The following DIS3L2 variants were observed in gnomAD, a reference collection of about 807,000 sequenced individuals.
DIS3L2 encodes DIS3 like 3'-5' exoribonuclease 2, also known as DIS3-like exonuclease 2.
Under a neutral mutation model 97.5 loss-of-function variants are expected in DIS3L2, and 34 were observed. The observed-to-expected ratio is 0.35, with a 90% CI of 0.27 to 0.46. DIS3L2 has a LOEUF of 0.46. Ranked by LOEUF, DIS3L2 falls within the 20% of genes least tolerant of loss-of-function variation. The pLI is 1.00. For missense variants in DIS3L2, 1,038 were observed against 1,146.0 expected (o/e 0.91, Z 1.36); for synonymous variants, 435 against 445.2 (o/e 0.98, Z 0.29).
At chr2:232,247,616 C>CGGGGGGGGGGGGGGGG (rs1491505436) in intron 11 of DIS3L2, among the ~76,000 whole-genome samples, 1 of 6,520 alleles carries the variant, frequency 1.5e-4, no homozygotes, top group African/African-American at 3.1e-4. Flanking sequence ...ATAACTGCCG[C>CGGGGGGGGGGGGGGGG]GGGGGGGGGG....
chr2:232,329,785 T>TCCCGGGGGGGGCCCC, intron 14 of DIS3L2, 28 bp from the exon 15 acceptor site: 153 of 967,060 alleles, frequency 1.6e-4, no homozygotes, highest in East Asian at 1.9e-4. Context: ...ACCCCAGCGG[T>TCCCGGGGGGGGCCCC]CCCTCCCATC....
intron 1 of DIS3L2, among the ~76,000 whole-genome samples, chr2:231,977,672 C>T (rs1035210584): frequency 3.3e-5 from 5 of 152,170 alleles, no homozygotes; most frequent in African/African-American, 7.2e-5. Context: ...AACTACCCAC[C>T]ACATGTAGAA....
chr2:232,324,446 A>G (rs1279276063), intron 14 of DIS3L2, among the ~76,000 whole-genome samples: 1 of 151,986 alleles, frequency 6.6e-6, no homozygotes, highest in Non-Finnish European at 1.5e-5. Context: ...TCTGTCCCAC[A>G]TTTGCCTTTG....
At chr2:232,079,365 G>C (rs1043533464) in intron 5 of DIS3L2, among the ~76,000 whole-genome samples, 2 of 152,066 alleles carry the variant, frequency 1.3e-5, no homozygotes, top group African/African-American at 2.4e-5. Context: ...GGGAGGCTGA[G>C]GCGGGCAGAT....
rs375649949 is a variant in DIS3L2 at position 232,136,546 on chromosome 2, C to G, written c.777C>G (p.Ser259Arg). Residue 259 changes from serine (S) to arginine (R), a missense_variant, in exon 8 of 21, where the codon AGC becomes AGG. By Grantham distance (110) the Ser-to-Arg change is moderately radical. Transcript: ENST00000325385. ...GFLKLLADKN[S>R]ELFRKYALFS... ...TCAAACTCTTGGCTGATAAGAACAGCGAACTGTTTAGGAAATACGCCCTGT... is the reference window on the plus strand; with the variant it reads ...TCAAACTCTTGGCTGATAAGAACAGGGAACTGTTTAGGAAATACGCCCTGT... 4 of 1,613,916 alleles carry G rather than the reference C, an allele frequency of 2.5e-6. No homozygotes were observed. The highest frequency in any genetic ancestry group is 3.4e-6 in the Non-Finnish European group (4 of 1,179,956).
At chr2:232,012,498 T>C (rs1424813218) in intron 1 of DIS3L2, among the ~76,000 whole-genome samples, 3 of 147,934 alleles carry the variant, frequency 2.0e-5, no homozygotes, top group African/African-American at 7.3e-5. Flanking sequence ...ATTCCAGCGC[T>C]TGTTTTTGGG....
At chr2:232,024,742 G>A (rs560344447) in intron 4 of DIS3L2, among the ~76,000 whole-genome samples, 108 of 151,910 alleles carry the variant, frequency 7.1e-4, no homozygotes, top group African/African-American at 2.4e-3. Context: ...CAAAAATAAC[G>A]TGTAATGCTT....
intron 6 of DIS3L2, among the ~76,000 whole-genome samples, chr2:232,094,200 T>C (rs1210339895): frequency 6.6e-6 from 1 of 152,192 alleles, no homozygotes; most frequent in Non-Finnish European, 1.5e-5. Flanking sequence ...CTATTTCAGT[T>C]TTTTTGAGTG....
intron 8 of DIS3L2, among the ~76,000 whole-genome samples, chr2:232,155,713 A>T: frequency 6.6e-6 from 1 of 152,302 alleles, no homozygotes; most frequent in Non-Finnish European, 1.5e-5. Context: ...TTTTCTGGCC[A>T]GGCGTGGTGG....
chr2:232,329,787 CCTCCCAT>C lies in DIS3L2; in HGVS notation c.1740-24_1740-18del. ...CACCTGTCCCCAAACCCCAGCGGTC[CCTCCCAT>C]CCCACCCACCCTCTGCAGGCTCGTG... On this transcript the variant is annotated intron_variant, in intron 14 of 20. Transcript: ENST00000325385. The C allele has an allele frequency of 1.9e-6, 2 of 1,062,190 alleles. No homozygotes were observed. The highest frequency in any genetic ancestry group is 2.6e-6 in the Non-Finnish European group (2 of 774,460). 65.8% of individuals were successfully genotyped at this position (1,062,190 alleles called of 1,614,324 possible).
chr2:232,253,930 A>G (rs1439469036), intron 12 of DIS3L2, among the ~76,000 whole-genome samples: 5 of 152,254 alleles, frequency 3.3e-5, no homozygotes, highest in Admixed American at 3.3e-4. Flanking sequence ...AATTTCAAAC[A>G]TACATGAAAG....
At chr2:232,238,737 C>A in intron 11 of DIS3L2, 92 bp downstream of exon 11, 2 of 1,191,300 alleles carry the variant, frequency 1.7e-6, no homozygotes, top group South Asian at 1.5e-5. Context: ...ACATGTTCTC[C>A]GGAAAGAGAA....
intron 5 of DIS3L2, among the ~76,000 whole-genome samples, chr2:232,072,281 A>G (rs568245725): frequency 2.0e-5 from 3 of 152,288 alleles, no homozygotes; most frequent in Admixed American, 2.0e-4. Context: ...AAAATAAGGA[A>G]AGGAAATATG....
intron 9 of DIS3L2, among the ~76,000 whole-genome samples, chr2:232,207,624 C>T (rs1172112757): frequency 3.3e-5 from 5 of 152,162 alleles, no homozygotes; most frequent in Non-Finnish European, 7.3e-5. Flanking sequence ...AGTGGGTCTC[C>T]TGATTAATCA....
intron 8 of DIS3L2, among the ~76,000 whole-genome samples, chr2:232,142,406 G>A (rs1690087038): frequency 6.6e-6 from 1 of 152,134 alleles, no homozygotes; most frequent in Non-Finnish European, 1.5e-5. Context: ...AGCACTGCAT[G>A]CAGTTTTGGC....
chr2:232,334,097 A>G, intron 17 of DIS3L2, 110 bp downstream of exon 17: 1 of 1,469,892 alleles, frequency 6.8e-7, no homozygotes, highest in Non-Finnish European at 9.0e-7. Context: ...GCGGAGGTCC[A>G]AGGGTCGGGC....
At chr2:232,243,567 A>G (rs1432883388) in intron 11 of DIS3L2, among the ~76,000 whole-genome samples, 1 of 152,166 alleles carries the variant, frequency 6.6e-6, no homozygotes, top group East Asian at 1.9e-4. Context: ...ACAAAATCTT[A>G]TGAGAGTTTA....
chr2:232,021,376 G>A (rs75053816), intron 3 of DIS3L2, among the ~76,000 whole-genome samples: 464 of 152,206 alleles, frequency 3.0e-3, no homozygotes, highest in African/African-American at 0.011. Flanking sequence ...TAGTGAAATC[G>A]AAGAGTTGTT....
At chr2:232,326,880 C>T (rs1695592521) in intron 14 of DIS3L2, among the ~76,000 whole-genome samples, 1 of 152,226 alleles carries the variant, frequency 6.6e-6, no homozygotes, top group Non-Finnish European at 1.5e-5. Flanking sequence ...CACTTGTTCA[C>T]TGTCGAGGGC....
Sources: gnomAD v4.1 joint callset for allele counts (sites outside exome capture counted in the v4.1 genomes callset) on GRCh38, gnomAD v4.1.1 for gene constraint, MANE v1.5 for transcripts, NCBI Gene and HGNC (gene_info 2026-07-23, HGNC 2026-07-21) for gene names.